Variants in ZNF704 observed in about 807,000 individuals in gnomAD.
ZNF704 encodes the protein glucocorticoid induced gene 1.
In ZNF704, 10 loss-of-function variants were observed where a neutral mutation model predicts 44.7. The ratio of observed to expected loss-of-function variants is 0.22; its 90% CI spans 0.14 to 0.38. The LOEUF (loss-of-function observed/expected upper bound fraction) is 0.38. ZNF704 is among the 10% of genes least tolerant of loss of function. The probability of loss-of-function intolerance (pLI) is 1.00; values close to 1 mark genes in which losing one functional copy is unlikely to be tolerated. For synonymous variants in ZNF704, 211 were observed against 207.6 expected, an observed-to-expected ratio of 1.02 and a Z score of -0.14; for missense variants, 390 against 545.5, an observed-to-expected ratio of 0.71 and a Z score of 2.84.
chr8:80,796,923 A>T (rs541810356), intron 2 of ZNF704, among the ~76,000 whole-genome samples: 74 of 124,676 alleles, frequency 5.9e-4, no homozygotes, highest in African/African-American at 2.5e-3. Context: ...GGAAAGAGAA[A>T]GGGAAGGGAA....
chr8:80,769,715 A>G (rs1172093071), intron 2 of ZNF704, among the ~76,000 whole-genome samples: 1 of 152,222 alleles, frequency 6.6e-6, no homozygotes, highest in Non-Finnish European at 1.5e-5. Flanking sequence ...AAGTGTCTAG[A>G]AAGTTCCAAA....
At chr8:80,678,753 G>A (rs957175799) in intron 4 of ZNF704, among the ~76,000 whole-genome samples, 1 of 152,140 alleles carries the variant, frequency 6.6e-6, no homozygotes, top group African/African-American at 2.4e-5. Context: ...ATCTATTAAG[G>A]GACTTGATGA....
chr8:80,801,366 T>C (rs1807896983), intron 2 of ZNF704, among the ~76,000 whole-genome samples: 1 of 152,136 alleles, frequency 6.6e-6, no homozygotes, highest in Admixed American at 6.6e-5. Context: ...AAAATATACA[T>C]TCTTCTCATG....
At chr8:80,684,618 C>A (rs1183527844) in intron 4 of ZNF704, among the ~76,000 whole-genome samples, 1 of 152,184 alleles carries the variant, frequency 6.6e-6, no homozygotes. Flanking sequence ...AGCAAATTAA[C>A]TCTTAGAAAT....
At chr8:80,773,850 A>G (rs1159985455) in intron 2 of ZNF704, among the ~76,000 whole-genome samples, 1 of 152,064 alleles carries the variant, frequency 6.6e-6, no homozygotes, top group Non-Finnish European at 1.5e-5. Context: ...TCATTGAAGC[A>G]TTTTTATCAT....
At chr8:80,660,226 A>G (rs1032960130) in intron 6 of ZNF704, among the ~76,000 whole-genome samples, 2 of 152,190 alleles carry the variant, frequency 1.3e-5, no homozygotes, top group Admixed American at 6.5e-5. Context: ...TAATCCCAGC[A>G]CTTAAGAGTC....
Position 80,636,370 on chromosome 8 carries a change from C to T in ZNF704, c.*4996G>A, listed in dbSNP as rs925858950. The stretch of plus-strand genomic sequence containing the variant: ...CCTACGATAGATATACCTTTTAAAG[C>T]ATGTATATCATTGGATATGGGCTTT... On this transcript the variant is annotated 3_prime_UTR_variant, in exon 9 of 9. Coordinates refer to ENST00000327835, the MANE Select transcript of ZNF704 (RefSeq NM_001033723.3). The T allele has an allele frequency of 6.6e-6, 1 of 152,168 alleles. No homozygotes were observed. The highest frequency in any genetic ancestry group is 1.5e-5 in the Non-Finnish European group (1 of 68,044). The allele number at this position is 152,168 out of a possible 1,614,324, so 9.4% of individuals were successfully genotyped here.
intron 2 of ZNF704, among the ~76,000 whole-genome samples, chr8:80,700,846 G>A (rs1167497470): frequency 4.6e-5 from 7 of 152,008 alleles, no homozygotes; most frequent in African/African-American, 1.7e-4. Flanking sequence ...GGATTTTGGC[G>A]GTCACTTGCC....
chr8:80,745,816 T>C (rs748218388), intron 2 of ZNF704, among the ~76,000 whole-genome samples: 23 of 152,200 alleles, frequency 1.5e-4, no homozygotes, highest in Middle Eastern at 3.4e-3. Flanking sequence ...CAAAATGAAG[T>C]CAAACACGAG....
chr8:80,829,561 G>A (rs1165614823), intron 1 of ZNF704, among the ~76,000 whole-genome samples: 1 of 152,008 alleles, frequency 6.6e-6, no homozygotes, highest in African/African-American at 2.4e-5. Context: ...AAAGTTTAAA[G>A]GAAGGAAACA....
At chr8:80,724,636 A>C (rs1412850227) in intron 2 of ZNF704, among the ~76,000 whole-genome samples, 1 of 152,204 alleles carries the variant, frequency 6.6e-6, no homozygotes, top group African/African-American at 2.4e-5. Flanking sequence ...CCAGAAACTT[A>C]GGAGTTGTCA....
rs150128323 is a variant in ZNF704 at position 80,677,576 on chromosome 8, A to G, written c.559-6973T>C. 5.8e-3 allele frequency among the ~76,000 whole-genome samples: 879 copies of G among 152,278 alleles called. 10 individuals carry two copies. The highest frequency in any genetic ancestry group is 0.021 in the African/African-American group (852 of 41,552). On this transcript the variant is annotated intron_variant, in intron 4 of 8. Coordinates refer to ENST00000327835, the MANE Select transcript of ZNF704 (RefSeq NM_001033723.3). ...ACACACCTTCCTTGAACCCCTGCTA[A>G]AGGTTCCAAAGAAATCTGTTACCCA...
At chr8:80,829,306 G>A (rs1026409648) in intron 1 of ZNF704, among the ~76,000 whole-genome samples, 4 of 152,102 alleles carry the variant, frequency 2.6e-5, no homozygotes, top group South Asian at 2.1e-4. Flanking sequence ...CTGGAGGTGG[G>A]GGGAGAGGGG....
At chr8:80,814,082 T>C (rs1238544784) in intron 2 of ZNF704, 1 of 152,164 alleles carries the variant, frequency 6.6e-6, no homozygotes, top group African/African-American at 2.4e-5. Context: ...AAGAGAGGGC[T>C]ATTTTTAAAA....
chr8:80,788,554 A>T (rs185551143), intron 2 of ZNF704, among the ~76,000 whole-genome samples: 1 of 152,288 alleles, frequency 6.6e-6, no homozygotes, highest in Non-Finnish European at 1.5e-5. Context: ...GGGCAAACTC[A>T]ATTCTTTACC....
intron 2 of ZNF704, among the ~76,000 whole-genome samples, chr8:80,774,678 A>G (rs2129675454): frequency 1.3e-5 from 2 of 152,276 alleles, no homozygotes; most frequent in South Asian, 4.1e-4. Flanking sequence ...AGGGCTTCAT[A>G]GGGTAGATGT....
intron 1 of ZNF704, among the ~76,000 whole-genome samples, chr8:80,821,902 A>T (rs1255916823): frequency 6.6e-6 from 1 of 152,220 alleles, no homozygotes; most frequent in Admixed American, 6.5e-5. Context: ...CTAATTTTTT[A>T]AAATGTAAAA....
At chr8:80,699,841 T>C (rs1303061947) in intron 2 of ZNF704, among the ~76,000 whole-genome samples, 1 of 151,044 alleles carries the variant, frequency 6.6e-6, no homozygotes, top group Non-Finnish European at 1.5e-5. Context: ...CCCCACCCAC[T>C]CTGCCCACTG....
At chr8:80,696,911 T>C (rs1341935359) in intron 2 of ZNF704, among the ~76,000 whole-genome samples, 1 of 152,204 alleles carries the variant, frequency 6.6e-6, no homozygotes, top group African/African-American at 2.4e-5. Context: ...TGAGGTCAGG[T>C]GTGGACTTTT....
Sources: allele counts gnomAD v4.1 joint callset (sites outside exome capture counted in the v4.1 genomes callset), GRCh38; gene constraint gnomAD v4.1.1; transcripts MANE v1.5; gene names NCBI Gene and HGNC (gene_info 2026-07-23, HGNC 2026-07-21).